Variants in CDH13 observed in about 807,000 individuals in gnomAD.
The protein encoded by CDH13 is cadherin-13.
CDH13 carries 24 observed loss-of-function variants against 63.8 expected under a neutral mutation model. The observed-to-expected ratio is 0.38, with a 90% CI of 0.27 to 0.53. CDH13 has a LOEUF of 0.53. CDH13 is among the 20% of genes least tolerant of loss of function. CDH13 has a pLI of 0.85. For missense variants in CDH13, 1,049 were observed against 903.1 expected, an observed-to-expected ratio of 1.16 and a Z score of -2.07; for synonymous variants, 503 against 355.3, an observed-to-expected ratio of 1.42 and a Z score of -4.67.
intron 8 of CDH13, among the ~76,000 whole-genome samples, chr16:83,615,230 G>A (rs890344764): frequency 2.0e-5 from 3 of 152,078 alleles, no homozygotes; most frequent in Non-Finnish European, 2.9e-5. Context: ...CTTCCTTTAG[G>A]AGAAGAGCTC....
At chr16:83,299,821 C>T (rs1567574191) in intron 5 of CDH13, among the ~76,000 whole-genome samples, 1 of 152,160 alleles carries the variant, frequency 6.6e-6, no homozygotes, top group South Asian at 2.1e-4. Flanking sequence ...GAAAACAGTA[C>T]ATAATGATGA....
intron 1 of CDH13, among the ~76,000 whole-genome samples, chr16:82,845,938 G>T (rs939945967): frequency 6.6e-6 from 1 of 152,162 alleles, no homozygotes; most frequent in African/African-American, 2.4e-5. Flanking sequence ...CTTAATCCTG[G>T]AATCTTAATA....
intron 2 of CDH13, among the ~76,000 whole-genome samples, chr16:82,934,506 C>G (rs569757000): frequency 6.6e-6 from 1 of 152,202 alleles, no homozygotes. Flanking sequence ...TCCCCATTGT[C>G]TTGGTGATTA....
At chr16:83,175,454 G>A (rs2038084582) in intron 4 of CDH13, among the ~76,000 whole-genome samples, 1 of 152,090 alleles carries the variant, frequency 6.6e-6, no homozygotes, top group Non-Finnish European at 1.5e-5. Context: ...GGAGACTGGG[G>A]AAGAGGAAGG....
intron 10 of CDH13, among the ~76,000 whole-genome samples, chr16:83,698,673 C>A (rs1410483079): frequency 6.6e-6 from 1 of 152,218 alleles, no homozygotes; most frequent in Non-Finnish European, 1.5e-5. Context: ...ACACTGAGAG[C>A]TGGGTTTGCT....
intron 5 of CDH13, among the ~76,000 whole-genome samples, chr16:83,234,081 G>C (rs547612823): frequency 6.6e-6 from 1 of 152,290 alleles, no homozygotes; most frequent in African/African-American, 2.4e-5. Flanking sequence ...ATAGGGTGAC[G>C]GCCGGAAGGA....
At chr16:82,942,079 T>G (rs1246103305) in intron 2 of CDH13, among the ~76,000 whole-genome samples, 1 of 152,244 alleles carries the variant, frequency 6.6e-6, no homozygotes, top group Non-Finnish European at 1.5e-5. Context: ...CCTATCAGGC[T>G]TATTGCTTCT....
Position 82,934,450 on chromosome 16 carries a change from G to C in CDH13, c.157+75977G>C, listed in dbSNP as rs373285058. ...TTTTTCCATCTAGGCCTCAGGGCCT[G>C]TGATGGCAGGGGCTACCATGAAGAT... is the stretch of plus-strand genomic sequence containing the variant. On this transcript the variant is annotated intron_variant, in intron 2 of 13. Coordinates refer to ENST00000567109, the MANE Select transcript of CDH13 (RefSeq NM_001257.5). Among the ~76,000 whole-genome samples, 17 of 152,320 alleles carry C rather than the reference G, an allele frequency of 1.1e-4. 1 individual carries two copies. Among genetic ancestry groups the C allele is most frequent in the Non-Finnish European group, 2.1e-4 (14 of 68,024 alleles).
intron 1 of CDH13, among the ~76,000 whole-genome samples, chr16:82,706,075 C>T (rs144406896): frequency 1.3e-5 from 2 of 151,916 alleles, no homozygotes; most frequent in Non-Finnish European, 2.9e-5. Context: ...CTCTCTCTTC[C>T]TCCCTTTCTT....
intron 1 of CDH13, among the ~76,000 whole-genome samples, chr16:82,837,070 C>T (rs118146773): frequency 1.3e-5 from 2 of 152,142 alleles, no homozygotes; most frequent in Admixed American, 6.5e-5. Context: ...GGCAACCCAT[C>T]GAGGTGGAAG....
intron 4 of CDH13, among the ~76,000 whole-genome samples, chr16:83,138,073 G>T (rs1283131708): frequency 6.6e-6 from 1 of 152,048 alleles, no homozygotes; most frequent in Non-Finnish European, 1.5e-5. Context: ...ACGCTTGAAT[G>T]TGGGTTTAAT....
At chr16:83,355,574 T>G (rs1490457174) in intron 6 of CDH13, among the ~76,000 whole-genome samples, 1 of 152,190 alleles carries the variant, frequency 6.6e-6, no homozygotes, top group Non-Finnish European at 1.5e-5. Flanking sequence ...TTAATTCAAT[T>G]TTTAAATAAA....
chr16:83,784,615 G>C (rs1473112049), intron 13 of CDH13, among the ~76,000 whole-genome samples: 1 of 140,324 alleles, frequency 7.1e-6, no homozygotes, highest in Non-Finnish European at 1.5e-5. Context: ...CTGGGTGACA[G>C]AGCAAGGCTC....
At chr16:82,850,097 G>T (rs1254380349) in intron 1 of CDH13, among the ~76,000 whole-genome samples, 1 of 152,196 alleles carries the variant, frequency 6.6e-6, no homozygotes, top group African/African-American at 2.4e-5. Context: ...TACTATCAAA[G>T]AAATACATTT....
intron 1 of CDH13, among the ~76,000 whole-genome samples, chr16:82,811,243 G>A (rs916661146): frequency 2.6e-5 from 4 of 152,024 alleles, no homozygotes; most frequent in Admixed American, 6.6e-5. Flanking sequence ...ATCAAGCCAC[G>A]GTGAGAGAAT....
intron 3 of CDH13, among the ~76,000 whole-genome samples, chr16:83,032,549 A>G (rs1000225468): frequency 2.6e-5 from 4 of 152,166 alleles, no homozygotes; most frequent in African/African-American, 9.7e-5. Context: ...GTATTGAGAC[A>G]GTCACATCTC....
At chr16:83,106,896 A>ATT (rs1555589744) in intron 3 of CDH13, among the ~76,000 whole-genome samples, 1 of 150,906 alleles carries the variant, frequency 6.6e-6, no homozygotes, top group Non-Finnish European at 1.5e-5. Flanking sequence ...TATGTGGATG[A>ATT]TTTTTTTTTT....
At chr16:83,075,338 A>G (rs542025682) in intron 3 of CDH13, among the ~76,000 whole-genome samples, 3 of 152,336 alleles carry the variant, frequency 2.0e-5, no homozygotes, top group East Asian at 1.9e-4. Flanking sequence ...ACTTGTGACA[A>G]TGGCATGACC....
chr16:83,269,981 A>G (rs2088751818), intron 5 of CDH13, among the ~76,000 whole-genome samples: 1 of 152,242 alleles, frequency 6.6e-6, no homozygotes, highest in African/African-American at 2.4e-5. Context: ...TTTGAATGTA[A>G]GAAAATAATG....
Sources: gnomAD v4.1 joint callset for allele counts (sites outside exome capture counted in the v4.1 genomes callset) on GRCh38, gnomAD v4.1.1 for gene constraint, MANE v1.5 for transcripts, NCBI Gene and HGNC (gene_info 2026-07-23, HGNC 2026-07-21) for gene names.